CREB5: variants seen among roughly 807,000 people sequenced by gnomAD.
CREB5 encodes the protein cyclic AMP-responsive element-binding protein 5.
In CREB5, 19 loss-of-function variants were observed where a neutral mutation model predicts 57.1. That is an observed-to-expected ratio of 0.33 (90% CI 0.23 to 0.49). The LOEUF is 0.49. Ranked by LOEUF, CREB5 falls within the 20% of genes least tolerant of loss-of-function variation. The probability of loss-of-function intolerance (pLI) is 0.99; values close to 1 mark genes in which losing one functional copy is unlikely to be tolerated. For synonymous variants in CREB5, 238 were observed against 238.3 expected (o/e 1.00, Z 0.01); for missense variants, 579 against 671.6 (o/e 0.86, Z 1.52).
chr7:28,749,518 G>T (rs186164127), intron 7 of CREB5: 2 of 152,190 alleles, frequency 1.3e-5, no homozygotes, highest in Non-Finnish European at 2.9e-5. Context: ...TACAAATAAC[G>T]TGGATGAAAT....
chr7:28,737,548 T>TATATATATATATATATATAC, intron 7 of CREB5, among the ~76,000 whole-genome samples: 1 of 13,114 alleles, frequency 7.6e-5, no homozygotes, highest in Admixed American at 7.9e-4. Context: ...CGTATATATA[T>TATATATATATATATATATAC]ATATATATAT....
chr7:28,760,974 G>C (rs1161458646), intron 7 of CREB5, among the ~76,000 whole-genome samples: 1 of 152,106 alleles, frequency 6.6e-6, no homozygotes, highest in Admixed American at 6.5e-5. Context: ...TCTTCTACTT[G>C]CACAAAGCGT....
chr7:28,801,447 C>T (rs1270846081), intron 7 of CREB5, among the ~76,000 whole-genome samples: 2 of 152,158 alleles, frequency 1.3e-5, no homozygotes, highest in African/African-American at 2.4e-5. Context: ...GAAGTATCAT[C>T]CAAAAACTTC....
At chr7:28,463,731 A>G (rs1162449104) in intron 1 of CREB5, among the ~76,000 whole-genome samples, 9 of 152,142 alleles carry the variant, frequency 5.9e-5, no homozygotes, top group Admixed American at 5.9e-4. Flanking sequence ...TTGCTGGTGT[A>G]TAGAAACACA....
intron 1 of CREB5, among the ~76,000 whole-genome samples, chr7:28,368,285 C>T (rs113850848): frequency 1.1e-4 from 16 of 152,204 alleles, no homozygotes; most frequent in Non-Finnish European, 2.1e-4. Context: ...GTACAATGTA[C>T]AGTATTCGGG....
intron 5 of CREB5, among the ~76,000 whole-genome samples, chr7:28,640,661 A>G (rs1392571834): frequency 6.6e-6 from 1 of 152,204 alleles, no homozygotes; most frequent in Non-Finnish European, 1.5e-5. Context: ...GGCTGGCCAC[A>G]TGCTGGAAGA....
chr7:28,442,920 T>G (rs1270929703), intron 1 of CREB5, among the ~76,000 whole-genome samples: 1 of 152,216 alleles, frequency 6.6e-6, no homozygotes, highest in Non-Finnish European at 1.5e-5. Context: ...ATACAGACAT[T>G]CAAAGATCAT....
chr7:28,738,567 A>G (rs1416264548), intron 7 of CREB5, among the ~76,000 whole-genome samples: 2 of 152,226 alleles, frequency 1.3e-5, no homozygotes, highest in Non-Finnish European at 2.9e-5. Context: ...AAGCATGTTT[A>G]TCTCACTCCG....
At chr7:28,589,654 T>C (rs1796427179) in intron 5 of CREB5, among the ~76,000 whole-genome samples, 1 of 152,266 alleles carries the variant, frequency 6.6e-6, no homozygotes, top group Non-Finnish European at 1.5e-5. Flanking sequence ...CTTGAGTATA[T>C]TTCTGCCACT....
At chr7:28,448,501 G>T (rs967890284) in intron 1 of CREB5, among the ~76,000 whole-genome samples, 9 of 152,162 alleles carry the variant, frequency 5.9e-5, no homozygotes, top group African/African-American at 1.9e-4. Flanking sequence ...TTTTTCTTCT[G>T]GGCCCAGGAA....
chr7:28,744,462 C>G (rs192042570), intron 7 of CREB5, among the ~76,000 whole-genome samples: 7 of 150,958 alleles, frequency 4.6e-5, no homozygotes, highest in African/African-American at 1.5e-4. Context: ...ATTCTCGTGC[C>G]TCAGCCTCCC....
intron 1 of CREB5, among the ~76,000 whole-genome samples, chr7:28,345,270 A>G (rs1446082279): frequency 1.9e-5 from 1 of 53,702 alleles, no homozygotes; most frequent in Non-Finnish European, 4.6e-5. Flanking sequence ...CCACAAAACA[A>G]GTCTTTTTTT....
chr7:28,633,345 T>A (rs1798277236), intron 5 of CREB5, among the ~76,000 whole-genome samples: 1 of 150,814 alleles, frequency 6.6e-6, no homozygotes, highest in African/African-American at 2.5e-5. Context: ...GCTTGATCAG[T>A]TTAAACCAAG....
At chr7:28,306,558 T>TG (rs1554300941) in intron 1 of CREB5, among the ~76,000 whole-genome samples, 1 of 129,922 alleles carries the variant, frequency 7.7e-6, no homozygotes, top group Admixed American at 7.8e-5. Flanking sequence ...TTTTTTTGTT[T>TG]TTTTTTTTTT....
intron 7 of CREB5, among the ~76,000 whole-genome samples, chr7:28,736,139 C>T (rs1803965756): frequency 6.6e-6 from 1 of 152,052 alleles, no homozygotes; most frequent in Admixed American, 6.6e-5. Flanking sequence ...CAAGGAACTA[C>T]ACACAAAGCA....
intron 5 of CREB5, among the ~76,000 whole-genome samples, chr7:28,675,255 G>A (rs764003233): frequency 1.3e-5 from 2 of 151,988 alleles, no homozygotes; most frequent in African/African-American, 2.4e-5. Context: ...TATCTCTTTC[G>A]ACCCATTAGA....
At chr7:28,761,724 ATGTG>A (rs3831526) in intron 7 of CREB5, among the ~76,000 whole-genome samples, 39 of 146,122 alleles carry the variant, frequency 2.7e-4, no homozygotes, top group South Asian at 6.6e-4. Flanking sequence ...GATGTGAGGG[ATGTG>A]TGTGTGTGTG....
chr7:28,709,697 AAAG>A (rs549460925), intron 5 of CREB5, among the ~76,000 whole-genome samples: 98 of 152,274 alleles, frequency 6.4e-4, no homozygotes, highest in South Asian at 2.7e-3. Flanking sequence ...AAAAAAAAAA[AAAG>A]AAGAAGAAGT....
chr7:28,547,265 A>G (rs1794457247), intron 4 of CREB5, among the ~76,000 whole-genome samples: 1 of 152,216 alleles, frequency 6.6e-6, no homozygotes, highest in Non-Finnish European at 1.5e-5. Flanking sequence ...CACTAATAAT[A>G]TAGGGTTCTT....
Sources: allele counts gnomAD v4.1 joint callset (sites outside exome capture counted in the v4.1 genomes callset), GRCh38; gene constraint gnomAD v4.1.1; transcripts MANE v1.5; gene names NCBI Gene and HGNC (gene_info 2026-07-23, HGNC 2026-07-21).